ADGRL3: variants seen among roughly 807,000 people sequenced by gnomAD.
The protein encoded by ADGRL3 is adhesion G protein-coupled receptor L3, also known as calcium-independent alpha-latrotoxin receptor 3.
A neutral mutation model predicts 153.5 loss-of-function variants in ADGRL3; 62 were observed. The observed-to-expected ratio is 0.40, with a 90% CI of 0.33 to 0.50. The LOEUF (loss-of-function observed/expected upper bound fraction) is 0.50, where lower values mean the gene tolerates loss of function less well. ADGRL3 is among the 20% of genes least tolerant of loss of function. The pLI is 0.47. For synonymous variants in ADGRL3, 710 were observed against 672.5 expected (o/e 1.06, Z -0.86); for missense variants, 1,641 against 1,859.4 (o/e 0.88, Z 2.16).
At chr4:61,538,376 G>T (rs1021728049) in intron 4 of ADGRL3, among the ~76,000 whole-genome samples, 14 of 152,136 alleles carry the variant, frequency 9.2e-5, no homozygotes, top group Non-Finnish European at 1.8e-4. Flanking sequence ...GGAGGTCTTA[G>T]GGAGCTTATC....
chr4:61,851,001 G>T (rs1392397335), intron 9 of ADGRL3, among the ~76,000 whole-genome samples: 1 of 152,174 alleles, frequency 6.6e-6, no homozygotes, highest in South Asian at 2.1e-4. Flanking sequence ...TATTAAAAGT[G>T]AATAAAAAAG....
chr4:61,393,377 G>C (rs1488476002), intron 2 of ADGRL3, among the ~76,000 whole-genome samples: 1 of 151,936 alleles, frequency 6.6e-6, no homozygotes, highest in Non-Finnish European at 1.5e-5. Context: ...AAATATTATA[G>C]AATCATTAAT....
At chr4:61,433,148 C>G (rs2152427230) in intron 2 of ADGRL3, among the ~76,000 whole-genome samples, 1 of 152,124 alleles carries the variant, frequency 6.6e-6, no homozygotes, top group Admixed American at 6.5e-5. Context: ...TATATAAAGA[C>G]TATGTCTATT....
intron 21 of ADGRL3, among the ~76,000 whole-genome samples, chr4:62,000,984 A>G (rs1330412752): frequency 1.3e-5 from 2 of 151,824 alleles, no homozygotes; most frequent in African/African-American, 2.4e-5. Context: ...GGCTTTCACT[A>G]TGTTACCCAG....
In ADGRL3 at chr4:61,857,621, GT is replaced by G. The variant is rs113363674; in HGVS notation, c.1481-35025del. Reference sequence around the variant, plus strand: ...GAGAAAGGTGTTGGACAACTGTTGTGTTTTTTTTTTCTTTTCTGTCTTTTTC... The same window carrying G: ...GAGAAAGGTGTTGGACAACTGTTGTGTTTTTTTTTCTTTTCTGTCTTTTTC... On this transcript the variant is annotated intron_variant, in intron 9 of 26. Transcript: ENST00000683033. Among the ~76,000 whole-genome samples the G allele has an allele frequency of 6.8e-5, 10 of 147,628 alleles. No individual in the cohort carries two copies. The South Asian group carries it at 8.7e-4, about 13-fold the overall frequency.
intron 4 of ADGRL3, among the ~76,000 whole-genome samples, chr4:61,556,414 G>T (rs371825470): frequency 1.3e-5 from 2 of 152,030 alleles, no homozygotes; most frequent in East Asian, 3.9e-4. Context: ...AGAATGAGCC[G>T]GGGGAGAGCA....
intron 8 of ADGRL3, among the ~76,000 whole-genome samples, chr4:61,755,256 T>C (rs2152100764): frequency 6.6e-6 from 1 of 152,138 alleles, no homozygotes; most frequent in African/African-American, 2.4e-5. Flanking sequence ...GTGTTCCTAT[T>C]TCTCTACATC....
intron 25 of ADGRL3, among the ~76,000 whole-genome samples, chr4:62,067,585 C>T (rs930761918): frequency 1.3e-5 from 2 of 151,684 alleles, no homozygotes; most frequent in Non-Finnish European, 2.9e-5. Flanking sequence ...TTATTTAAAA[C>T]TGATCAAAAA....
At chr4:61,600,345 G>A (rs1403845307) in intron 5 of ADGRL3, among the ~76,000 whole-genome samples, 4 of 142,460 alleles carry the variant, frequency 2.8e-5, no homozygotes, top group Non-Finnish European at 4.6e-5. Flanking sequence ...AATTGGAAAT[G>A]AGATATTCAA....
At chr4:61,591,676 G>A (rs987888368) in intron 5 of ADGRL3, among the ~76,000 whole-genome samples, 9 of 151,968 alleles carry the variant, frequency 5.9e-5, no homozygotes, top group Non-Finnish European at 1.2e-4. Context: ...GGTGTTAAAT[G>A]TACAAAGTAG....
At chr4:61,524,441 C>G (rs2098548134) in intron 4 of ADGRL3, among the ~76,000 whole-genome samples, 1 of 151,974 alleles carries the variant, frequency 6.6e-6, no homozygotes, top group African/African-American at 2.4e-5. Flanking sequence ...CTAATTCTTA[C>G]TGCTTAAGGA....
chr4:61,615,592 G>GTT (rs1247109755), intron 5 of ADGRL3, among the ~76,000 whole-genome samples: 1 of 151,494 alleles, frequency 6.6e-6, no homozygotes, highest in Non-Finnish European at 1.5e-5. Context: ...GTGTGTGTGT[G>GTT]TGTGTGTATG....
chr4:61,910,462 A>T (rs2098717008), intron 12 of ADGRL3, among the ~76,000 whole-genome samples: 1 of 17,586 alleles, frequency 5.7e-5, no homozygotes. Flanking sequence ...TAGTTACATA[A>T]ACATATAAAA....
intron 1 of ADGRL3, among the ~76,000 whole-genome samples, chr4:61,297,808 C>T (rs570119271): frequency 6.6e-6 from 1 of 152,028 alleles, no homozygotes; most frequent in South Asian, 2.1e-4. Context: ...GTTACCACCG[C>T]CACCGTCACT....
At chr4:61,737,355 G>C (rs569601868) in intron 8 of ADGRL3, among the ~76,000 whole-genome samples, 3 of 152,170 alleles carry the variant, frequency 2.0e-5, no homozygotes, top group Non-Finnish European at 4.4e-5. Context: ...CCTGTAAAAA[G>C]ATCTGGTGTT....
chr4:61,759,148 A>G (rs184462444), intron 8 of ADGRL3, among the ~76,000 whole-genome samples: 33 of 151,634 alleles, frequency 2.2e-4, no homozygotes, highest in African/African-American at 7.7e-4. Flanking sequence ...AAATCTGACA[A>G]TTATGTGTTG....
Position 61,811,692 on chromosome 4 carries a change from A to G in ADGRL3, c.1400-2117A>G, listed in dbSNP as rs545942063. Among the ~76,000 whole-genome samples, 6 of 152,290 alleles carry G rather than the reference A, an allele frequency of 3.9e-5. No individual in the cohort carries two copies. In the South Asian group the frequency reaches 8.3e-4, roughly 21 times the overall value. On this transcript the variant is annotated intron_variant, in intron 8 of 26. Transcript: ENST00000683033. ...GGATGTAGTGTGTCTATATCTCCATATAAATGTGTCATTTTACCTAGAGTA... is the reference window on the plus strand; with the variant it reads ...GGATGTAGTGTGTCTATATCTCCATGTAAATGTGTCATTTTACCTAGAGTA...
At chr4:61,826,712 T>G (rs2097805255) in intron 9 of ADGRL3, among the ~76,000 whole-genome samples, 1 of 152,074 alleles carries the variant, frequency 6.6e-6, no homozygotes, top group Non-Finnish European at 1.5e-5. Context: ...GGAGAATGAC[T>G]TAGAGAGAGG....
rs533733533 is a variant in ADGRL3 at position 62,077,109 on chromosome 4, A to C, written c.*6201A>C. Reference sequence around the variant, plus strand: ...GTTGTACATGGTGGGTTATCAAAGTACTCCATAATCCAAATGCATCTAAAA... The same window carrying C: ...GTTGTACATGGTGGGTTATCAAAGTCCTCCATAATCCAAATGCATCTAAAA... On this transcript the variant is annotated 3_prime_UTR_variant, in exon 27 of 27. Transcript: ENST00000683033. The C allele has an allele frequency of 6.6e-6, 1 of 152,030 alleles. No individual in the cohort carries two copies. Among genetic ancestry groups the C allele is most frequent in the Non-Finnish European group, 1.5e-5 (1 of 67,880 alleles). The allele number at this position is 152,030 out of a possible 1,614,324, so 9.4% of individuals were successfully genotyped here.
Sources: allele counts gnomAD v4.1 joint callset (sites outside exome capture counted in the v4.1 genomes callset), GRCh38; gene constraint gnomAD v4.1.1; transcripts MANE v1.5; gene names NCBI Gene and HGNC (gene_info 2026-07-23, HGNC 2026-07-21).